Variants in OXR1 observed in about 807,000 individuals in gnomAD.
The protein encoded by OXR1 is oxidation resistance protein 1.
Under a neutral mutation model 104.6 loss-of-function variants are expected in OXR1, and 41 were observed. The observed-to-expected ratio is 0.39, with a 90% CI of 0.31 to 0.51. OXR1 has a LOEUF of 0.51. Ranked by LOEUF, OXR1 falls within the 20% of genes least tolerant of loss-of-function variation. The pLI is 0.77. For synonymous variants in OXR1, 348 were observed against 348.4 expected (o/e 1.00, Z 0.01); for missense variants, 955 against 1,031.9 (o/e 0.93, Z 1.02).
At chr8:106,309,187 G>A (rs1813594272) in intron 1 of OXR1, among the ~76,000 whole-genome samples, 1 of 152,020 alleles carries the variant, frequency 6.6e-6, no homozygotes, top group African/African-American at 2.4e-5. Context: ...TCACTATGTT[G>A]CCTAAGCTGG....
At chr8:106,724,487 A>G (rs1833141117) in intron 11 of OXR1, among the ~76,000 whole-genome samples, 1 of 152,180 alleles carries the variant, frequency 6.6e-6, no homozygotes, top group Non-Finnish European at 1.5e-5. Flanking sequence ...AGAAAACCAC[A>G]CTCAGAATAG....
At chr8:106,452,223 G>A (rs1820354766) in intron 2 of OXR1, among the ~76,000 whole-genome samples, 1 of 152,156 alleles carries the variant, frequency 6.6e-6, no homozygotes, top group African/African-American at 2.4e-5. Flanking sequence ...ATATCCAGAA[G>A]AGAAGCATGA....
At chr8:106,389,608 A>C (rs1348115686) in intron 2 of OXR1, among the ~76,000 whole-genome samples, 1 of 152,206 alleles carries the variant, frequency 6.6e-6, no homozygotes, top group Non-Finnish European at 1.5e-5. Flanking sequence ...TAAAGTAGAG[A>C]TCTGACCTAA....
chr8:106,741,727 G>T (rs1363590329), intron 14 of OXR1, among the ~76,000 whole-genome samples: 1 of 151,966 alleles, frequency 6.6e-6, no homozygotes, highest in Non-Finnish European at 1.5e-5. Flanking sequence ...TCTTGTATAA[G>T]ATCATGCACA....
chr8:106,672,329 A>C (rs138065860), intron 3 of OXR1, among the ~76,000 whole-genome samples: 2,326 of 151,358 alleles, frequency 0.015, 38 homozygotes, highest in Admixed American at 0.047. Flanking sequence ...AATGAAAAAA[A>C]AAAAAAAATT....
chr8:106,285,933 A>G (rs1197643044), intron 1 of OXR1, among the ~76,000 whole-genome samples: 3 of 141,414 alleles, frequency 2.1e-5, no homozygotes, highest in African/African-American at 5.2e-5. Flanking sequence ...TCTTTAATCT[A>G]TGCAACATTC....
At chr8:106,303,293 A>G (rs57962791) in intron 1 of OXR1, among the ~76,000 whole-genome samples, 29,668 of 127,192 alleles carry the variant, frequency 0.23, 4,828 homozygotes, top group African/African-American at 0.49. Flanking sequence ...TCACTCTGTC[A>G]CCCAGGCTGG....
intron 10 of OXR1, among the ~76,000 whole-genome samples, chr8:106,711,887 A>G (rs866788894): frequency 1.2e-4 from 19 of 152,268 alleles, no homozygotes; most frequent in Admixed American, 2.0e-4. Context: ...TACTATCTCT[A>G]CTTCTAAGAT....
At chr8:106,467,729 T>A (rs1821250210) in intron 2 of OXR1, among the ~76,000 whole-genome samples, 1 of 151,894 alleles carries the variant, frequency 6.6e-6, no homozygotes, top group South Asian at 2.1e-4. Flanking sequence ...GCACTCCTAA[T>A]GAGATGTGTA....
At chr8:106,582,435 T>C (rs1248734426) in intron 3 of OXR1, among the ~76,000 whole-genome samples, 1 of 151,918 alleles carries the variant, frequency 6.6e-6, no homozygotes, top group Non-Finnish European at 1.5e-5. Flanking sequence ...TTCTCTATGC[T>C]GGTTAGCTGG....
chr8:106,275,036 C>G (rs1217780548), intron 1 of OXR1, among the ~76,000 whole-genome samples: 4 of 152,230 alleles, frequency 2.6e-5, no homozygotes, highest in Non-Finnish European at 5.9e-5. Context: ...AGATATATCT[C>G]TAAAAGTATC....
At chr8:106,590,799 C>T (rs1404284500) in intron 3 of OXR1, among the ~76,000 whole-genome samples, 1 of 152,142 alleles carries the variant, frequency 6.6e-6, no homozygotes, top group Non-Finnish European at 1.5e-5. Flanking sequence ...CAAAAGTCAG[C>T]CCAAGGGCAG....
intron 12 of OXR1, 40 bp downstream of exon 12, chr8:106,737,640 T>C: frequency 1.3e-6 from 1 of 748,570 alleles, no homozygotes; most frequent in Non-Finnish European, 1.9e-6. Context: ...AGAGACTAAA[T>C]ACTCCCTGTT....
At chr8:106,313,220 C>T (rs978395890) in intron 1 of OXR1, among the ~76,000 whole-genome samples, 1 of 151,916 alleles carries the variant, frequency 6.6e-6, no homozygotes, top group Non-Finnish European at 1.5e-5. Context: ...ATCATGACTG[C>T]TTTTGAGGTT....
At chr8:106,344,858 C>T (rs1481792593) in intron 1 of OXR1, among the ~76,000 whole-genome samples, 1 of 152,216 alleles carries the variant, frequency 6.6e-6, no homozygotes, top group Non-Finnish European at 1.5e-5. Flanking sequence ...CTTTCTCTTA[C>T]ATGCCTTTCA....
intron 1 of OXR1, among the ~76,000 whole-genome samples, chr8:106,328,908 CT>C (rs1354747478): frequency 2.0e-5 from 3 of 152,132 alleles, no homozygotes; most frequent in Non-Finnish European, 4.4e-5. Flanking sequence ...AATTTTCGAC[CT>C]CATCATCCCT....
chr8:106,658,793 G>T (rs1408328943), intron 3 of OXR1, among the ~76,000 whole-genome samples: 1 of 152,180 alleles, frequency 6.6e-6, no homozygotes, highest in Non-Finnish European at 1.5e-5. Flanking sequence ...ATTTTGTGTT[G>T]TGTTGGCCGA....
At chr8:106,653,943 A>G (rs1224316863) in intron 3 of OXR1, among the ~76,000 whole-genome samples, 1 of 152,084 alleles carries the variant, frequency 6.6e-6, no homozygotes, top group Non-Finnish European at 1.5e-5. Flanking sequence ...TATACTAGCA[A>G]TGGCAATCTA....
In OXR1 at chr8:106,706,105, G is replaced by C. The variant is rs1200896999; in HGVS notation, c.861-277G>C. On this transcript the variant is annotated intron_variant, in intron 8 of 16. Transcript: ENST00000517566. ...TATGTCATCAAGTTCCCTTCAAGTGGATTACTTGCAAGGAAATCTTACTTT... is the reference window on the plus strand; with the variant it reads ...TATGTCATCAAGTTCCCTTCAAGTGCATTACTTGCAAGGAAATCTTACTTT... Among the ~76,000 whole-genome samples the C allele has an allele frequency of 2.0e-5, 3 of 152,024 alleles. No homozygotes were observed. The East Asian group carries it at 5.8e-4, about 29-fold the overall frequency.
Sources: gnomAD v4.1 joint callset for allele counts (sites outside exome capture counted in the v4.1 genomes callset) on GRCh38, gnomAD v4.1.1 for gene constraint, MANE v1.5 for transcripts, NCBI Gene and HGNC (gene_info 2026-07-23, HGNC 2026-07-21) for gene names.